Variants in OR2C1 observed in about 807,000 individuals in gnomAD.
The protein encoded by OR2C1 is olfactory receptor 2C1.
For missense variants in OR2C1, 468 were observed against 388.3 expected, an observed-to-expected ratio of 1.21 and a Z score of -1.73; for synonymous variants, 209 against 167.3, an observed-to-expected ratio of 1.25 and a Z score of -1.92.
the OR2C1 span, among the ~76,000 whole-genome samples, chr16:3,339,963 A>G: frequency 6.6e-6 from 1 of 152,024 alleles, no homozygotes; most frequent in African/African-American, 2.4e-5. Flanking sequence ...GGAAATTTCT[A>G]TCCAAGTATT....
the OR2C1 span, among the ~76,000 whole-genome samples, chr16:3,331,082 A>C: frequency 6.6e-6 from 1 of 152,178 alleles, no homozygotes; most frequent in East Asian, 1.9e-4. Context: ...TGCCATTCTA[A>C]CTGGTGTGAG....
At chr16:3,332,888 A>G in the OR2C1 span, among the ~76,000 whole-genome samples, 12 of 152,080 alleles carry the variant, frequency 7.9e-5, no homozygotes, top group East Asian at 5.8e-4. Flanking sequence ...TTTTGAATAT[A>G]TATCCAGTAG....
At chr16:3,353,553 C>T (rs1422748151), upstream of OR2C1, among the ~76,000 whole-genome samples, 2 of 147,958 alleles carry the variant, frequency 1.4e-5, no homozygotes, top group African/African-American at 5.0e-5. Flanking sequence ...GTAATCCCAA[C>T]ACTTTGGGAG....
the OR2C1 span, among the ~76,000 whole-genome samples, chr16:3,332,688 C>A: frequency 2.7e-5 from 4 of 148,862 alleles, no homozygotes; most frequent in Non-Finnish European, 5.9e-5. Context: ...GATTTGTGTT[C>A]TTTTTTATGG....
chr16:3,341,017 T>C, the OR2C1 span, among the ~76,000 whole-genome samples: 2 of 152,016 alleles, frequency 1.3e-5, no homozygotes, highest in Non-Finnish European at 2.9e-5. Flanking sequence ...TTTTTAGGGA[T>C]GCATTGAACT....
At chr16:3,351,474 T>C (rs2150850374), upstream of OR2C1, among the ~76,000 whole-genome samples, 1 of 152,218 alleles carries the variant, frequency 6.6e-6, no homozygotes, top group Non-Finnish European at 1.5e-5. Flanking sequence ...TGGAGAATGG[T>C]CTGAGAAAAA....
rs2030686145 is a variant in OR2C1, at chr16:3,356,748, C to A, written c.808C>A (p.Gln270Lys). The A allele has an allele frequency of 3.1e-6, 5 of 1,613,520 alleles. No homozygotes were observed. Among genetic ancestry groups the A allele is most frequent in the Non-Finnish European group, 4.2e-6 (5 of 1,179,690 alleles). Residue 270 changes from glutamine (Q) to lysine (K), a missense_variant, in exon 1 of 1, where the codon CAG becomes AAG. Transcript: ENST00000304936. ...LLPAKNSKQD[Q>K]GKFISLFYSL... The stretch of plus-strand genomic sequence containing the variant: ...TCCGGCCAAGAACAGCAAACAGGAC[C>A]AGGGCAAGTTCATTTCCCTGTTCTA...
At chr16:3,323,212 T>C in the OR2C1 span, 1 of 734,038 alleles carries the variant, frequency 1.4e-6, no homozygotes, top group East Asian at 2.6e-5. Flanking sequence ...ATGAGCTGAT[T>C]GATGCATTCA....
At chr16:3,334,983 T>G in the OR2C1 span, among the ~76,000 whole-genome samples, 52 of 152,070 alleles carry the variant, frequency 3.4e-4, no homozygotes, top group African/African-American at 1.2e-3. Context: ...CATGCCTGGC[T>G]AATTTTTATA....
At position 3,356,605 on chromosome 16, in the gene OR2C1, C is replaced by T. The variant is rs1383920254; in HGVS notation, c.665C>T (p.Ala222Val). The change falls in exon 1 of 1, where the codon GCT (alanine) becomes GTT (valine). Residue 222 changes from alanine (A) to valine (V), a missense_variant. Coordinates refer to ENST00000304936, the MANE Select transcript of OR2C1 (RefSeq NM_012368.3). ...ATCGTGATCTCCTACTGCCTCATTGCTCAGGCAGTGCTGAAAATCCGCTCT... is the reference window on the plus strand; with the variant it reads ...ATCGTGATCTCCTACTGCCTCATTGTTCAGGCAGTGCTGAAAATCCGCTCT... ...SIIVISYCLI[A>V]QAVLKIRSAE... 1.9e-6 allele frequency: 3 copies of T among 1,614,054 alleles called. No homozygotes were observed. Among genetic ancestry groups the T allele is most frequent in the Non-Finnish European group, 2.5e-6 (3 of 1,180,048 alleles).
the OR2C1 span, chr16:3,323,949 T>C: frequency 2.9e-6 from 2 of 696,424 alleles, no homozygotes; most frequent in South Asian, 1.9e-5. Flanking sequence ...TAGCTGCTGA[T>C]CCTTACTGTT....
the OR2C1 span, among the ~76,000 whole-genome samples, chr16:3,346,541 G>A: frequency 6.6e-6 from 1 of 151,458 alleles, no homozygotes; most frequent in African/African-American, 2.4e-5. Flanking sequence ...ATATCTGAGG[G>A]TTCCGTCTTG....
chr16:3,347,326 T>C, the OR2C1 span, among the ~76,000 whole-genome samples: 9 of 150,420 alleles, frequency 6.0e-5, no homozygotes, highest in Non-Finnish European at 1.2e-4. Flanking sequence ...GCCCAGGAAT[T>C]GGAGGCTTCT....
At chr16:3,348,852 G>A in the OR2C1 span, among the ~76,000 whole-genome samples, 2 of 152,184 alleles carry the variant, frequency 1.3e-5, no homozygotes, top group African/African-American at 4.8e-5. Flanking sequence ...CCCTGTGAGT[G>A]TCTAAGGCTC....
chr16:3,348,266 G>A, the OR2C1 span, among the ~76,000 whole-genome samples: 1 of 152,196 alleles, frequency 6.6e-6, no homozygotes, highest in Non-Finnish European at 1.5e-5. Context: ...TTTAAGAGAG[G>A]ACTTGCAGAG....
upstream of OR2C1, among the ~76,000 whole-genome samples, chr16:3,353,512 A>G (rs1209906801): frequency 2.8e-5 from 4 of 141,198 alleles, no homozygotes; most frequent in East Asian, 6.5e-4. Flanking sequence ...AAAAAAAAGA[A>G]TAAGTAGGCC....
At chr16:3,354,979 A>G (rs926185875), upstream of OR2C1, among the ~76,000 whole-genome samples, 1 of 151,882 alleles carries the variant, frequency 6.6e-6, no homozygotes, top group Non-Finnish European at 1.5e-5. Context: ...ATCTAATTCT[A>G]ATGGTCAACT....
Position 3,356,420 on chromosome 16 carries a change from A to G in OR2C1, c.480A>G (p.Ser160=), listed in dbSNP as rs2030676933. ...LGGLGNSVIQ[S]TFTLQLPLCG... ...GCTTGGGCAACTCTGTGATCCAGTC[A>G]ACATTCACTCTGCAGCTCCCATTGT... The change falls in exon 1 of 1, where the codon TCA becomes TCG. Residue 160 remains serine (S), a synonymous_variant. Transcript: ENST00000304936. 6.2e-7 allele frequency: 1 copy of G among 1,613,840 alleles called. No individual in the cohort carries two copies. Among genetic ancestry groups the G allele is most frequent in the African/African-American group, 1.3e-5 (1 of 74,942 alleles).
At chr16:3,330,963 C>G in the OR2C1 span, among the ~76,000 whole-genome samples, 2 of 152,114 alleles carry the variant, frequency 1.3e-5, no homozygotes, top group Non-Finnish European at 2.9e-5. Flanking sequence ...AATAGCCACA[C>G]TGACTTCCAC....
Sources: allele counts gnomAD v4.1 joint callset (sites outside exome capture counted in the v4.1 genomes callset), GRCh38; gene constraint gnomAD v4.1.1; transcripts MANE v1.5; gene names NCBI Gene and HGNC (gene_info 2026-07-23, HGNC 2026-07-21).